FAM240B: variants seen among roughly 807,000 people sequenced by gnomAD.
FAM240B encodes family with sequence similarity 240 member B.
chr9:38,696,268 T>C (rs1821067173), intron 2 of FAM240B, among the ~76,000 whole-genome samples: 1 of 152,242 alleles, frequency 6.6e-6, no homozygotes, highest in Admixed American at 6.5e-5. Context: ...TAATACTTAA[T>C]ACTCTTTCTA....
chr9:38,719,406 C>T (rs1345071273), intron 1 of FAM240B, among the ~76,000 whole-genome samples: 10 of 152,072 alleles, frequency 6.6e-5, no homozygotes, highest in Admixed American at 6.6e-4. Context: ...TGCTAGAACT[C>T]ACTTTTATAA....
intron 2 of FAM240B, among the ~76,000 whole-genome samples, chr9:38,696,266 A>C (rs891415144): frequency 2.6e-5 from 4 of 152,206 alleles, no homozygotes; most frequent in Non-Finnish European, 4.4e-5. Flanking sequence ...TATAATACTT[A>C]ATACTCTTTC....
chr9:38,716,477 A>AAAAT (rs757563005), intron 1 of FAM240B, among the ~76,000 whole-genome samples: 2 of 151,620 alleles, frequency 1.3e-5, no homozygotes, highest in Non-Finnish European at 1.5e-5. Context: ...GCTCTTAAAT[A>AAAAT]AAATAATTTT....
At chr9:38,698,128 G>C (rs975216297) in intron 2 of FAM240B, among the ~76,000 whole-genome samples, 1 of 152,170 alleles carries the variant, frequency 6.6e-6, no homozygotes, top group African/African-American at 2.4e-5. Context: ...TTCCTTTTAT[G>C]ACCCTTGGTC....
intron 1 of FAM240B, among the ~76,000 whole-genome samples, chr9:38,710,286 C>T (rs1821239699): frequency 1.3e-5 from 2 of 152,120 alleles, no homozygotes; most frequent in African/African-American, 4.8e-5. Flanking sequence ...CTTTTAAATT[C>T]CCTCTAAACC....
Position 38,694,511 on chromosome 9 carries a change from A to C in FAM240B, c.*265T>G. The C allele has an allele frequency of 6.0e-6, 2 of 332,090 alleles. No individual in the cohort carries two copies. The highest frequency in any genetic ancestry group is 9.2e-5 in the East Asian group (2 of 21,802). The allele number at this position is 332,090 out of a possible 1,614,324, so 20.6% of individuals were successfully genotyped here. On this transcript the variant is annotated 3_prime_UTR_variant, in exon 3 of 3. Transcript: ENST00000637493. ...GGCTACATGGGTCTGTGAGACCTGG[A>C]GAGTGCTAATTCCAAGAGCTCTTTT...
intron 1 of FAM240B, among the ~76,000 whole-genome samples, chr9:38,709,535 T>A (rs1326573641): frequency 2.6e-5 from 4 of 152,200 alleles, no homozygotes; most frequent in African/African-American, 9.6e-5. Flanking sequence ...ATTAGCTCTA[T>A]GCCATATGCA....
intron 1 of FAM240B, among the ~76,000 whole-genome samples, chr9:38,706,188 G>A (rs1232229805): frequency 1.3e-5 from 2 of 151,446 alleles, no homozygotes; most frequent in Non-Finnish European, 1.5e-5. Context: ...GTTTTGAAAT[G>A]TGTACACATT....
intron 1 of FAM240B, among the ~76,000 whole-genome samples, chr9:38,707,613 C>CA (rs79179441): frequency 0.12 from 10,638 of 92,118 alleles, 447 homozygotes; most frequent in Non-Finnish European, 0.12. Flanking sequence ...CTAAAAAAAA[C>CA]AAAAAAAAAA....
intron 1 of FAM240B, among the ~76,000 whole-genome samples, chr9:38,715,291 TTTC>T (rs557571969): frequency 1.2e-4 from 18 of 152,360 alleles, no homozygotes; most frequent in Non-Finnish European, 2.5e-4. Context: ...TTGAACTAAG[TTTC>T]TGTTTTCTCA....
intron 2 of FAM240B, among the ~76,000 whole-genome samples, chr9:38,695,504 G>A (rs1477680808): frequency 6.6e-6 from 1 of 152,136 alleles, no homozygotes; most frequent in African/African-American, 2.4e-5. Context: ...CAGCCTGGGC[G>A]ACAGAGCAAG....
chr9:38,713,481 C>CAAAAAAAAAAAAAAAAA (rs77404875), intron 1 of FAM240B, among the ~76,000 whole-genome samples: 1 of 83,582 alleles, frequency 1.2e-5, no homozygotes, highest in Non-Finnish European at 2.1e-5. Context: ...CCGTTTCAAA[C>CAAAAAAAAAAAAAAAAA]AAAAAAAAAA....
chr9:38,703,297 G>C (rs941418329), intron 2 of FAM240B, among the ~76,000 whole-genome samples: 3 of 152,184 alleles, frequency 2.0e-5, no homozygotes, highest in African/African-American at 4.8e-5. Context: ...ATAGCAAAAG[G>C]CTTGGCCAAT....
At chr9:38,695,319 G>T (rs780877787) in intron 2 of FAM240B, among the ~76,000 whole-genome samples, 1 of 152,210 alleles carries the variant, frequency 6.6e-6, no homozygotes, top group Admixed American at 6.5e-5. Context: ...TCAGGAGATC[G>T]AGACCATCCT....
At chr9:38,710,879 A>G (rs1821247081) in intron 1 of FAM240B, among the ~76,000 whole-genome samples, 2 of 152,192 alleles carry the variant, frequency 1.3e-5, no homozygotes, top group South Asian at 4.1e-4. Context: ...GAGGACGTAC[A>G]AAGAGGCAAG....
At chr9:38,707,614 A>C (rs557211915) in intron 1 of FAM240B, among the ~76,000 whole-genome samples, 8,422 of 108,046 alleles carry the variant, frequency 0.078, 329 homozygotes, top group Non-Finnish European at 0.11. Flanking sequence ...TAAAAAAAAC[A>C]AAAAAAAAAA....
intron 2 of FAM240B, among the ~76,000 whole-genome samples, chr9:38,695,795 T>G (rs1366510747): frequency 6.6e-6 from 1 of 152,212 alleles, no homozygotes; most frequent in African/African-American, 2.4e-5. Flanking sequence ...CTACCTGATT[T>G]GAAGCTTAAC....
intron 2 of FAM240B, among the ~76,000 whole-genome samples, chr9:38,699,045 T>C (rs1004957100): frequency 6.6e-6 from 1 of 152,196 alleles, no homozygotes; most frequent in Non-Finnish European, 1.5e-5. Flanking sequence ...AGAAGAGCCA[T>C]ACAACTGGCA....
At chr9:38,700,793 C>T (rs185424493) in intron 2 of FAM240B, among the ~76,000 whole-genome samples, 4 of 152,304 alleles carry the variant, frequency 2.6e-5, no homozygotes, top group African/African-American at 4.8e-5. Flanking sequence ...AGTTGTGGGG[C>T]CACCCACTTT....
Sources: gnomAD v4.1 joint callset for allele counts (sites outside exome capture counted in the v4.1 genomes callset) on GRCh38, gnomAD v4.1.1 for gene constraint, MANE v1.5 for transcripts, NCBI Gene and HGNC (gene_info 2026-07-23, HGNC 2026-07-21) for gene names.